Variants in CFAP61 observed in about 807,000 individuals in gnomAD.
CFAP61 encodes the protein cilia and flagella associated protein 61.
CFAP61 carries 107 observed loss-of-function variants against 135.6 expected under a neutral mutation model. The observed-to-expected ratio is 0.79, with a 90% CI of 0.67 to 0.93. The LOEUF (loss-of-function observed/expected upper bound fraction) is 0.93, where lower values mean the gene tolerates loss of function less well. CFAP61 is among the 40% of genes least tolerant of loss of function. The probability of loss-of-function intolerance (pLI) is 0.00; values close to 1 mark genes in which losing one functional copy is unlikely to be tolerated. For missense variants in CFAP61, 1,507 were observed against 1,556.2 expected, an observed-to-expected ratio of 0.97 and a Z score of 0.53; for synonymous variants, 575 against 578.5, an observed-to-expected ratio of 0.99 and a Z score of 0.09.
chr20:20,099,644 A>C (rs781271370), intron 8 of CFAP61, among the ~76,000 whole-genome samples: 2 of 152,232 alleles, frequency 1.3e-5, no homozygotes, highest in Non-Finnish European at 2.9e-5. Context: ...TCAACACTCA[A>C]TAAATGTTGA....
intron 21 of CFAP61, among the ~76,000 whole-genome samples, chr20:20,263,387 C>T (rs1174569005): frequency 3.9e-5 from 6 of 151,980 alleles, no homozygotes; most frequent in Non-Finnish European, 7.4e-5. Context: ...AATGAATATC[C>T]GAAGAGCAAA....
intron 14 of CFAP61, among the ~76,000 whole-genome samples, chr20:20,188,636 T>C (rs918223604): frequency 4.6e-5 from 7 of 152,238 alleles, no homozygotes; most frequent in African/African-American, 1.7e-4. Context: ...TGGCAGTCTG[T>C]AAATTAATAC....
chr20:20,107,012 G>A (rs2146658951), intron 8 of CFAP61, among the ~76,000 whole-genome samples: 1 of 152,318 alleles, frequency 6.6e-6, no homozygotes, highest in Non-Finnish European at 1.5e-5. Context: ...CTGGGTGTTT[G>A]ATCCTGCTGA....
In CFAP61 at chr20:20,359,717, T is replaced by C. The variant is rs939724367; in HGVS notation, c.3514-493T>C. On this transcript the variant is annotated intron_variant, in intron 26 of 26. Transcript: ENST00000245957. This position sits in a 1 kb window ranked among gnomAD's most constrained non-coding sequence, Gnocchi z 4.0. ...CAACAAAACAAGTATGATCTACAGA[T>C]GATTTTTATCTGAAAATGAAGGGCT... Among the ~76,000 whole-genome samples, 8 of 152,198 alleles carry C rather than the reference T, an allele frequency of 5.3e-5. No homozygotes were observed. The highest frequency in any genetic ancestry group is 1.9e-4 in the African/African-American group (8 of 41,450).
At position 20,301,706 on chromosome 20, in the gene CFAP61, G is replaced by C. The variant is rs185826772; in HGVS notation, c.3422+3320G>C. On this transcript the variant is annotated intron_variant, in intron 25 of 26. Transcript: ENST00000245957. ...TGATATTTGTCCACGGAGCAGGGCTGTCTTCTCATTACTAATTCACAGAAG... is the reference window on the plus strand; with the variant it reads ...TGATATTTGTCCACGGAGCAGGGCTCTCTTCTCATTACTAATTCACAGAAG... Among the ~76,000 whole-genome samples, 199 of 152,304 alleles carry C rather than the reference G, an allele frequency of 1.3e-3. 1 individual carries two copies. Among genetic ancestry groups the C allele is most frequent in the Non-Finnish European group, 2.3e-3 (158 of 68,024 alleles).
At chr20:20,138,218 G>C (rs1009773933) in intron 8 of CFAP61, among the ~76,000 whole-genome samples, 1 of 152,202 alleles carries the variant, frequency 6.6e-6, no homozygotes, top group African/African-American at 2.4e-5. Context: ...TGCGGTGCCT[G>C]GGATTAGGGG....
At chr20:20,139,258 G>C (rs2146741384) in intron 8 of CFAP61, among the ~76,000 whole-genome samples, 1 of 152,328 alleles carries the variant, frequency 6.6e-6, no homozygotes, top group South Asian at 2.1e-4. Flanking sequence ...TTTAAGGAGA[G>C]TAATGCAAAA....
intron 8 of CFAP61, among the ~76,000 whole-genome samples, chr20:20,106,556 G>A (rs1239995829): frequency 6.6e-6 from 1 of 152,122 alleles, no homozygotes. Flanking sequence ...TTTTTGTATG[G>A]GGCCTGGAGG....
chr20:20,216,453 C>T (rs539094595), intron 17 of CFAP61, among the ~76,000 whole-genome samples: 7 of 152,282 alleles, frequency 4.6e-5, no homozygotes, highest in South Asian at 4.1e-4. Context: ...GAGAATTTCC[C>T]GAGGACTCCT....
rs148307781 is a variant in CFAP61 at position 20,052,551 on chromosome 20, C to T, written c.-77C>T. ...GTGACCAGGCTGCGCGTCCTCCTTG[C>T]GGCAGCGCGTGGAGTGCGGCGTCCT... On this transcript the variant is annotated 5_prime_UTR_variant, in exon 1 of 27. Coordinates refer to ENST00000245957, the MANE Select transcript of CFAP61 (RefSeq NM_015585.4). 1.4e-5 allele frequency: 22 copies of T among 1,614,152 alleles called. No homozygotes were observed. In the South Asian group the frequency reaches 2.1e-4, roughly 15 times the overall value.
intron 26 of CFAP61, among the ~76,000 whole-genome samples, chr20:20,357,323 G>A (rs1400403184): frequency 3.1e-5 from 1 of 32,250 alleles, no homozygotes; most frequent in East Asian, 1.3e-3. Context: ...CTGAGGGGAG[G>A]TGGTCATACT....
chr20:20,090,872 A>C lies in CFAP61; in HGVS notation c.595A>C (p.Ile199Leu), dbSNP rs772344251. 1.2e-6 allele frequency: 2 copies of C among 1,613,988 alleles called. No homozygotes were observed. Residue 199 changes from isoleucine to leucine, a missense_variant, in exon 7 of 27, where the codon ATA becomes CTA. Coordinates refer to ENST00000245957, the MANE Select transcript of CFAP61 (RefSeq NM_015585.4). ...RVEDHDDLMP[I>L]FMRYDTILKE... ...GGAAGACCATGACGATCTCATGCCAATATTTATGCGCTATGACACAATTCT... is the reference window on the plus strand; with the variant it reads ...GGAAGACCATGACGATCTCATGCCACTATTTATGCGCTATGACACAATTCT...
intron 13 of CFAP61, among the ~76,000 whole-genome samples, chr20:20,175,651 C>T (rs546030595): frequency 1.6e-4 from 24 of 152,120 alleles, no homozygotes; most frequent in Admixed American, 7.9e-4. Context: ...CTCAGCCTCC[C>T]GAGTAGCTGG....
At chr20:20,195,499 C>A (rs916359348) in intron 15 of CFAP61, among the ~76,000 whole-genome samples, 2 of 152,182 alleles carry the variant, frequency 1.3e-5, no homozygotes, top group African/African-American at 2.4e-5. Flanking sequence ...ACAGCATACA[C>A]TGCTGGGAGG....
At chr20:20,191,268 CCA>C in intron 14 of CFAP61, 72 bp from the exon 15 acceptor site, 1 of 1,241,546 alleles carries the variant, frequency 8.1e-7, no homozygotes, top group Non-Finnish European at 1.2e-6. Context: ...TGGTTAAGAC[CCA>C]CTGTTGCCTG....
intron 18 of CFAP61, among the ~76,000 whole-genome samples, chr20:20,242,506 G>A (rs1442117300): frequency 6.6e-6 from 1 of 152,234 alleles, no homozygotes; most frequent in East Asian, 1.9e-4. Flanking sequence ...CTGGAGCAGG[G>A]CGCTGCCTAG....
At position 20,191,390 on chromosome 20, in the gene CFAP61, G is replaced by A; in HGVS notation, c.1561G>A (p.Val521Ile). The change falls in exon 15 of 27, where the codon GTT becomes ATT. Residue 521 changes from valine to isoleucine, a missense_variant. Physicochemically the swap from Val to Ile is conservative, Grantham distance 29. Coordinates refer to ENST00000245957, the MANE Select transcript of CFAP61 (RefSeq NM_015585.4). Reference protein sequence around the residue: ...AFVAEVAEQIVGIAVIRNEMD... With the variant: ...AFVAEVAEQIIGIAVIRNEMD... ...TGTAGCTGAAGTTGCAGAACAAATA[G>A]TTGGTATTGCAGTGATCAGAAATGA... The A allele has an allele frequency of 1.2e-6, 2 of 1,613,032 alleles. No individual in the cohort carries two copies. Among genetic ancestry groups the A allele is most frequent in the Non-Finnish European group, 1.7e-6 (2 of 1,179,280 alleles).
At position 20,133,371 on chromosome 20, in the gene CFAP61, T is replaced by G. The variant is rs2050686861; in HGVS notation, c.860-9486T>G. On this transcript the variant is annotated intron_variant, in intron 8 of 26. Coordinates refer to ENST00000245957, the MANE Select transcript of CFAP61 (RefSeq NM_015585.4). ...CTAGTCAGGCTTTGGCTCTGTTGCATGTCCCTCTCATCCTTTAGGAGGCTA... is the reference window on the plus strand; with the variant it reads ...CTAGTCAGGCTTTGGCTCTGTTGCAGGTCCCTCTCATCCTTTAGGAGGCTA... Among the ~76,000 whole-genome samples the G allele has an allele frequency of 2.0e-5, 3 of 152,214 alleles. No homozygotes were observed. The South Asian group carries it at 6.2e-4, about 31-fold the overall frequency.
intron 22 of CFAP61, among the ~76,000 whole-genome samples, chr20:20,282,469 T>C (rs2054268426): frequency 6.6e-6 from 1 of 152,238 alleles, no homozygotes; most frequent in Admixed American, 6.5e-5. Context: ...TAAACTCATA[T>C]GTTAACTTTT....
Sources: gnomAD v4.1 joint callset for allele counts (sites outside exome capture counted in the v4.1 genomes callset) on GRCh38, gnomAD v4.1.1 for gene constraint, Gnocchi (gnomAD v3.1) non-coding constraint, MANE v1.5 for transcripts, NCBI Gene and HGNC (gene_info 2026-07-23, HGNC 2026-07-21) for gene names.